Variants in AGAP1 observed in about 807,000 individuals in gnomAD.
The protein encoded by AGAP1 is ArfGAP with GTPase domain, ankyrin repeat and PH domain 1, also known as arf-GAP with GTPase, ANK repeat and PH domain-containing protein 1.
Under a neutral mutation model 105.3 loss-of-function variants are expected in AGAP1, and 29 were observed. The observed-to-expected ratio is 0.28, with a 90% CI of 0.21 to 0.38. The LOEUF is 0.38. Among genes scored for constraint, AGAP1 ranks in the 10% least tolerant of loss-of-function variants. The pLI is 1.00. For synonymous variants in AGAP1, 509 were observed against 485.9 expected (o/e 1.05, Z -0.63); for missense variants, 998 against 1,165.1 (o/e 0.86, Z 2.09).
rs931431108 is a variant in AGAP1 at position 235,919,018 on chromosome 2, C to G, written c.1324+10112C>G. Among the ~76,000 whole-genome samples, 2 of 152,138 alleles carry G rather than the reference C, an allele frequency of 1.3e-5. No homozygotes were observed. The highest frequency in any genetic ancestry group is 6.5e-5 in the Admixed American group (1 of 15,278). ...AAGTAAATAAAAGGTGCTTCAAACA[C>G]TTTTTTTCTCTCAAAAATGTGTGTG... On this transcript the variant is annotated intron_variant, in intron 11 of 17. Coordinates refer to ENST00000304032, the MANE Select transcript of AGAP1 (RefSeq NM_001037131.3). This position sits in a 1 kb window ranked among gnomAD's most constrained non-coding sequence, Gnocchi z 4.1.
chr2:235,670,666 C>A (rs1273337269), intron 1 of AGAP1: 3 of 656,564 alleles, frequency 4.6e-6, no homozygotes, highest in Non-Finnish European at 8.2e-6. Flanking sequence ...GCGACGAGGC[C>A]GCGGCCGGGA....
chr2:235,818,194 G>T (rs773238840), intron 9 of AGAP1, among the ~76,000 whole-genome samples: 1 of 152,146 alleles, frequency 6.6e-6, no homozygotes, highest in Admixed American at 6.5e-5. Context: ...TGTACATTAC[G>T]TTGGTTGCTT....
In AGAP1 at chr2:235,655,936, G is replaced by C. The variant is rs1947756871; in HGVS notation, c.164-53243G>C. On this transcript the variant is annotated intron_variant, in intron 1 of 17. Coordinates refer to ENST00000304032, the MANE Select transcript of AGAP1 (RefSeq NM_001037131.3). The surrounding 1 kb of genome is among the most constrained non-coding windows in gnomAD (Gnocchi z 4.3). ...AGGGGGCAGTGCAGGATGTGGCAAG[G>C]CAGTTGTTGGAGCTCCGATACTTCC... Among the ~76,000 whole-genome samples, 1 of 152,186 alleles carries C rather than the reference G, an allele frequency of 6.6e-6. No individual in the cohort carries two copies. The highest frequency in any genetic ancestry group is 2.1e-4 in the South Asian group (1 of 4,822).
At chr2:235,778,647 G>A (rs1168449566) in intron 6 of AGAP1, among the ~76,000 whole-genome samples, 4 of 152,178 alleles carry the variant, frequency 2.6e-5, no homozygotes, top group Non-Finnish European at 5.9e-5. Context: ...GACTGGAGAC[G>A]CAGTGCCAGG....
At chr2:235,526,377 G>C (rs1345694072) in intron 1 of AGAP1, among the ~76,000 whole-genome samples, 1 of 152,180 alleles carries the variant, frequency 6.6e-6, no homozygotes, top group Non-Finnish European at 1.5e-5. Context: ...CATGGGAGAG[G>C]GTATGGGAAG....
rs912215564 is a variant in AGAP1, at chr2:236,109,321, T to G, written c.2115-10871T>G. ...TCATTCCCGGGCAGCACTTCTGTTT[T>G]GGGTACTGGTATCTATATGACTTGC... On this transcript the variant is annotated intron_variant, in intron 16 of 17. Coordinates refer to ENST00000304032, the MANE Select transcript of AGAP1 (RefSeq NM_001037131.3). The surrounding 1 kb of genome is among the most constrained non-coding windows in gnomAD (Gnocchi z 5.4). 2.0e-5 allele frequency among the ~76,000 whole-genome samples: 3 copies of G among 152,234 alleles called. No homozygotes were observed. The highest frequency in any genetic ancestry group is 2.0e-4 in the Admixed American group (3 of 15,288).
intron 16 of AGAP1, among the ~76,000 whole-genome samples, chr2:236,110,242 T>A (rs1470928727): frequency 3.3e-5 from 5 of 152,148 alleles, no homozygotes; most frequent in African/African-American, 1.2e-4. Context: ...ACACCTGTAA[T>A]CCCAGCACTT....
chr2:236,008,337 A>G (rs982803494), intron 13 of AGAP1, among the ~76,000 whole-genome samples: 111 of 152,184 alleles, frequency 7.3e-4, no homozygotes, highest in African/African-American at 2.2e-3. Flanking sequence ...TCCTCCAAAA[A>G]AGCCTTTCCT....
At chr2:235,697,805 C>A (rs1481220190) in intron 1 of AGAP1, among the ~76,000 whole-genome samples, 1 of 152,172 alleles carries the variant, frequency 6.6e-6, no homozygotes, top group Non-Finnish European at 1.5e-5. Context: ...CCAATTATAT[C>A]CAGCCCAGGA....
intron 1 of AGAP1, chr2:235,505,646 A>T (rs1350123618): frequency 6.6e-6 from 1 of 152,118 alleles, no homozygotes; most frequent in Non-Finnish European, 1.5e-5. Flanking sequence ...TAGAGATCGC[A>T]GCCACACAAG....
chr2:236,008,059 G>C (rs1011130706), intron 13 of AGAP1, among the ~76,000 whole-genome samples: 1 of 152,256 alleles, frequency 6.6e-6, no homozygotes, highest in Non-Finnish European at 1.5e-5. Flanking sequence ...CTGTGTGTGT[G>C]TTTTCAATTT....
rs968666321 is a variant in AGAP1, at chr2:235,882,356, G to A, written c.1051-989G>A. ...GGATGACGAGGGCAGGAAATCCTCC[G>A]GGCTCTTAGGAAATTTCACTCCGCT... On this transcript the variant is annotated intron_variant, in intron 9 of 17. Transcript: ENST00000304032. The surrounding 1 kb of genome is among the most constrained non-coding windows in gnomAD (Gnocchi z 4.6). 4.7e-5 allele frequency: 63 copies of A among 1,338,150 alleles called. No homozygotes were observed. The highest frequency in any genetic ancestry group is 8.6e-5 in the South Asian group (7 of 81,148). 82.9% of individuals were successfully genotyped at this position (1,338,150 alleles called of 1,614,324 possible).
At chr2:236,060,713 A>C (rs1364023879) in intron 16 of AGAP1, among the ~76,000 whole-genome samples, 1 of 152,068 alleles carries the variant, frequency 6.6e-6, no homozygotes, top group Non-Finnish European at 1.5e-5. Context: ...AAAAATTTAA[A>C]TTAAAAAAAA....
In AGAP1 at chr2:235,728,324, T is replaced by TGC. The variant is rs1951757201; in HGVS notation, c.310+10681_310+10682insCG. Among the ~76,000 whole-genome samples, 2 of 151,048 alleles carry TGC rather than the reference T, an allele frequency of 1.3e-5. No individual in the cohort carries two copies. The highest frequency in any genetic ancestry group is 2.5e-5 in the African/African-American group (1 of 40,600). On this transcript the variant is annotated intron_variant, in intron 3 of 17. Coordinates refer to ENST00000304032, the MANE Select transcript of AGAP1 (RefSeq NM_001037131.3). This position sits in a 1 kb window ranked among gnomAD's most constrained non-coding sequence, Gnocchi z 4.3. ...CTCTGTGTGTGTGTGTGTGTGTGTG[T>TGC]GTGCGTGCTCTTAAATCAATGTAAA...
intron 1 of AGAP1, among the ~76,000 whole-genome samples, chr2:235,607,401 CA>C (rs1385527534): frequency 1.3e-5 from 2 of 152,206 alleles, no homozygotes. Context: ...AGCTATTATA[CA>C]GAATTATTAG....
rs543014478 is a variant in AGAP1, at chr2:235,863,715, G to T, written c.1051-19630G>T. The stretch of plus-strand genomic sequence containing the variant: ...GCTGGCCAATGCAAGGCAGCAGCAT[G>T]GGAGAAAGCCCTGGTGTGAGGCGGG... On this transcript the variant is annotated intron_variant, in intron 9 of 17. Coordinates refer to ENST00000304032, the MANE Select transcript of AGAP1 (RefSeq NM_001037131.3). 1.7e-4 allele frequency among the ~76,000 whole-genome samples: 26 copies of T among 152,358 alleles called. 1 individual carries two copies. In the South Asian group the frequency reaches 5.4e-3, roughly 32 times the overall value.
rs10211037 is a variant in AGAP1 at position 235,966,913 on chromosome 2, G to A, written c.1484-1549G>A. On this transcript the variant is annotated intron_variant, in intron 12 of 17. Transcript: ENST00000304032. ...GTATTTCTCAGATACCTTAAATTGT[G>A]TGTTTGTACATTTCTCAACATATGA... Among the ~76,000 whole-genome samples, 1,277 of 152,252 alleles carry A rather than the reference G, an allele frequency of 8.4e-3. 16 individuals carry two copies. Among genetic ancestry groups the A allele is most frequent in the African/African-American group, 0.029 (1,218 of 41,538 alleles).
intron 5 of AGAP1, among the ~76,000 whole-genome samples, chr2:235,749,944 A>ATTGGAC (rs1575322155): frequency 1.3e-5 from 2 of 152,334 alleles, no homozygotes; most frequent in East Asian, 3.9e-4. Context: ...TAAGTGCGTC[A>ATTGGAC]TTGGACAAGT....
At chr2:235,940,010 C>T (rs140006894) in intron 12 of AGAP1, among the ~76,000 whole-genome samples, 114 of 152,246 alleles carry the variant, frequency 7.5e-4, no homozygotes, top group African/African-American at 2.4e-3. Context: ...GGGAGTTGGG[C>T]GGCTCATGCT....
Sources: allele counts gnomAD v4.1 joint callset (sites outside exome capture counted in the v4.1 genomes callset), GRCh38; gene constraint gnomAD v4.1.1; non-coding constraint Gnocchi (gnomAD v3.1); transcripts MANE v1.5; gene names NCBI Gene and HGNC (gene_info 2026-07-23, HGNC 2026-07-21).